The following ELK1 variants were observed in gnomAD, a reference collection of about 807,000 sequenced individuals.
ELK1 encodes the protein ETS domain-containing protein Elk-1.
For synonymous variants in ELK1, 163 were observed against 176.3 expected (o/e 0.92, Z 0.60); for missense variants, 254 against 381.5 (o/e 0.67, Z 2.78).
chrX:47,640,748 C>T (rs143618614), intron 3 of ELK1, among the ~76,000 whole-genome samples: 2,773 of 110,895 alleles, frequency 0.025, 93 homozygotes, highest in African/African-American at 0.086. Context: ...TCCCAGAGGA[C>T]GAAGTAAGCA....
At position 47,639,271 on chromosome X, in the gene ELK1, C is replaced by G. The variant is rs1319243021; in HGVS notation, c.278G>C (p.Gly93Ala). The change falls in exon 4 of 7, where the codon GGG (glycine) becomes GCG (alanine). Residue 93 changes from glycine (G) to alanine (A), a missense_variant. Gly to Ala is a moderately conservative substitution (Grantham distance 60, BLOSUM62 0). Transcript: ENST00000376983. The part of the protein sequence containing the change: ...YKFVSYPEVA[G>A]CSTEDCPPQP... ...GGGCGGGCAGTCCTCAGTGGAGCAC[C>G]CTGCGACCTCAGGGTAGGACACAAA... 2.5e-6 allele frequency: 3 copies of G among 1,208,004 alleles called. No homozygotes were observed. The Admixed American group carries it at 6.6e-5, about 26-fold the overall frequency.
chrX:47,642,206 C>T (rs958180814), intron 2 of ELK1, among the ~76,000 whole-genome samples: 1 of 112,388 alleles, frequency 8.9e-6, no homozygotes, highest in Non-Finnish European at 1.9e-5. Context: ...CCAGAAGGAA[C>T]GCAACCCTGC....
rs1242365905 is a variant in ELK1 at position 47,637,786 on chromosome X, C to T, written c.1051G>A (p.Ala351Thr). 2 of 1,196,176 alleles carry T rather than the reference C, an allele frequency of 1.7e-6. No individual in the cohort carries two copies. Among genetic ancestry groups the T allele is most frequent in the Non-Finnish European group, 2.3e-6 (2 of 887,052 alleles). Residue 351 changes from alanine to threonine, a missense_variant, in exon 5 of 7, where the codon GCG (alanine) becomes ACG (threonine). Physicochemically the swap from Ala to Thr is moderately conservative, Grantham distance 58 (BLOSUM62 0). Transcript: ENST00000376983. ...SGSGLQAPGP[A>T]LTPSLLPTHT... The stretch of plus-strand genomic sequence containing the variant: ...GTAGGAAGCAGGGATGGGGTCAGCG[C>T]CGGCCCCGGAGCCTGGAGGCCGGAG...
rs1461876033 is a variant in ELK1 at position 47,649,997 on chromosome X, G to C, written c.-111C>G. ...TGTACAGGAAGGGTGGAATAAATAA[G>C]GCCACGGACGGGTCTCCTGAAAGTT... On this transcript the variant is annotated 5_prime_UTR_variant, in exon 2 of 7. Coordinates refer to ENST00000376983, the MANE Select transcript of ELK1 (RefSeq NM_001114123.3). The C allele has an allele frequency of 1.9e-5, 2 of 106,842 alleles. No individual in the cohort carries two copies. The highest frequency in any genetic ancestry group is 3.9e-5 in the Non-Finnish European group (2 of 51,833). The allele number at this position is 106,842 out of a possible 1,213,427, so 8.8% of individuals were successfully genotyped here. A position where few individuals can be genotyped will look rare whatever the true frequency, so the allele number is the denominator to read the frequency against.
At chrX:47,650,388 G>A (rs777675277) in intron 1 of ELK1, 35 bp downstream of exon 1, 1 of 306,859 alleles carries the variant, frequency 3.3e-6, no homozygotes, top group Non-Finnish European at 6.3e-6. Flanking sequence ...TGGGGTCACG[G>A]ACTGGGCCCT....
chrX:47,643,933 C>A (rs1461489157), intron 2 of ELK1, among the ~76,000 whole-genome samples: 1 of 111,823 alleles, frequency 8.9e-6, no homozygotes, highest in Non-Finnish European at 1.9e-5. Context: ...CGACTATTCC[C>A]TCTCAGCATG....
intron 2 of ELK1, among the ~76,000 whole-genome samples, chrX:47,645,703 C>T (rs1351225162): frequency 2.7e-5 from 3 of 112,287 alleles, no homozygotes; most frequent in South Asian, 3.7e-4. Context: ...AACTATCTAC[C>T]GTTCCCGAGA....
rs779837119 is a variant in ELK1, at chrX:47,638,910, G to A, written c.639C>T (p.Ala213=). 6.9e-5 allele frequency: 83 copies of A among 1,202,453 alleles called. No homozygotes were observed. Among genetic ancestry groups the A allele is most frequent in the Admixed American group, 2.2e-4 (10 of 44,988 alleles). Residue 213 remains alanine, a synonymous_variant, in exon 4 of 7, where the codon GCC becomes GCT. Transcript: ENST00000376983. ...CAGTCCTTACCTGCAGAGGCAAGCC[G>A]GCCTCTTCAGCCTCCAGACAGGCCT... ...PLEACLEAEE[A]GLPLQVILTP... is the part of the protein sequence containing the mutation.
intron 1 of ELK1, 112 bp from the exon 2 acceptor site, chrX:47,650,138 G>T (rs1389814206): frequency 9.0e-6 from 1 of 111,606 alleles, no homozygotes; most frequent in East Asian, 3.0e-4. Flanking sequence ...GGTAGGGGTA[G>T]GGGGAAAGCC....
Position 47,641,126 on chromosome X carries a change from A to C in ELK1, c.210+106T>G, listed in dbSNP as rs2058027106. On this transcript the variant is annotated intron_variant, in intron 3 of 6. Transcript: ENST00000376983. ...CCAATGGATGGGTTAAAAACTGATA[A>C]ATTTTAACATTGCTTTCAAAGTCAT... The C allele has an allele frequency of 7.2e-6, 7 of 977,045 alleles. No individual in the cohort carries two copies. In the Admixed American group the frequency reaches 1.5e-4, roughly 21 times the overall value. The allele number at this position is 977,045 out of a possible 1,213,427, so 80.5% of individuals were successfully genotyped here.
chrX:47,647,265 A>G (rs781484994), intron 2 of ELK1, among the ~76,000 whole-genome samples: 4 of 107,310 alleles, frequency 3.7e-5, no homozygotes, highest in Non-Finnish European at 7.7e-5. Flanking sequence ...GGTTCAAGCA[A>G]TTCTCCTGCC....
In ELK1 at chrX:47,638,123, C is replaced by T. The variant is rs766899855; in HGVS notation, c.714G>A (p.Pro238=). Residue 238 remains proline, a synonymous_variant, in exon 5 of 7, where the codon CCG becomes CCA. Transcript: ENST00000376983. Reference sequence around the variant, plus strand: ...CTGGGGGCAAAGCCCGGCCCAAACCCGGCTCCACATTAAGCTCTTCCGATT... The same window carrying T: ...CTGGGGGCAAAGCCCGGCCCAAACCTGGCTCCACATTAAGCTCTTCCGATT... ...NLKSEELNVE[P]GLGRALPPEV... is the part of the protein sequence containing the mutation. 6.6e-6 allele frequency: 8 copies of T among 1,210,682 alleles called. No individual in the cohort carries two copies. In the Admixed American group the frequency reaches 1.1e-4, roughly 16 times the overall value.
intron 2 of ELK1, among the ~76,000 whole-genome samples, chrX:47,644,812 C>T (rs182089668): frequency 0.025 from 2,724 of 110,307 alleles, 93 homozygotes; most frequent in African/African-American, 0.085. Context: ...CAGGCTTTTT[C>T]GGGTGCTGTC....
upstream of ELK1, chrX:47,650,604 G>A (rs1486517160): frequency 7.9e-6 from 2 of 254,592 alleles, no homozygotes; most frequent in South Asian, 6.9e-5. Flanking sequence ...GTGGGCCCGA[G>A]GAGGAGGAGC....
At chrX:47,641,143 C>T in intron 3 of ELK1, 89 bp downstream of exon 3, 1 of 1,063,002 alleles carries the variant, frequency 9.4e-7, no homozygotes, top group Admixed American at 2.3e-5. Context: ...ACATTGCTTT[C>T]AAAGTCATAG....
rs187486290 is a variant in ELK1 at position 47,638,168 on chromosome X, C to T, written c.669G>A (p.Pro223=). ...CCGATTTCAGGTTTGGGGCCTCGGG[C>T]GGGGTCAGGATGACCTGGTAGAGGA... ...AGLPLQVILT[P]PEAPNLKSEE... Residue 223 remains proline, a synonymous_variant, in exon 5 of 7, where the codon CCG becomes CCA. Coordinates refer to ENST00000376983, the MANE Select transcript of ELK1 (RefSeq NM_001114123.3). 5.7e-4 allele frequency: 691 copies of T among 1,207,422 alleles called. 1 individual carries two copies. The highest frequency in any genetic ancestry group is 2.5e-3 in the Middle Eastern group (11 of 4,347).
At chrX:47,637,219 A>G (rs1411114336) in intron 5 of ELK1, 105 bp from the exon 6 acceptor site, 6 of 794,653 alleles carry the variant, frequency 7.6e-6, no homozygotes, top group African/African-American at 2.1e-5. Context: ...TCACACTCCC[A>G]GGGTCACTCC....
intron 4 of ELK1, among the ~76,000 whole-genome samples, chrX:47,638,679 G>T (rs911729591): frequency 1.8e-5 from 2 of 111,958 alleles, no homozygotes; most frequent in Non-Finnish European, 3.8e-5. Context: ...ATGTTCGGCA[G>T]CTACTAACTG....
At chrX:47,646,909 C>T (rs890767514) in intron 2 of ELK1, among the ~76,000 whole-genome samples, 2 of 111,394 alleles carry the variant, frequency 1.8e-5, no homozygotes, top group African/African-American at 6.5e-5. Flanking sequence ...ACATGGCAGG[C>T]ACCATCCCAC....
Sources: gnomAD v4.1 joint callset for allele counts (sites outside exome capture counted in the v4.1 genomes callset) on GRCh38, gnomAD v4.1.1 for gene constraint, MANE v1.5 for transcripts, NCBI Gene and HGNC (gene_info 2026-07-23, HGNC 2026-07-21) for gene names.